ADAMTS6: variants seen among roughly 807,000 people sequenced by gnomAD.
ADAMTS6 encodes the protein ADAM metallopeptidase with thrombospondin type 1 motif 6.
A neutral mutation model predicts 144.3 loss-of-function variants in ADAMTS6; 23 were observed. The observed-to-expected ratio is 0.16, with a 90% CI of 0.11 to 0.23. ADAMTS6 has a LOEUF of 0.23. Ranked by LOEUF, ADAMTS6 falls within the 10% of genes least tolerant of loss-of-function variation. ADAMTS6 has a pLI of 1.00. For missense variants in ADAMTS6, 999 were observed against 1,379.6 expected, an observed-to-expected ratio of 0.72 and a Z score of 4.37; for synonymous variants, 444 against 457.5, an observed-to-expected ratio of 0.97 and a Z score of 0.38.
At chr5:65,399,358 T>C (rs559848349) in intron 7 of ADAMTS6, among the ~76,000 whole-genome samples, 3 of 152,210 alleles carry the variant, frequency 2.0e-5, no homozygotes, top group Admixed American at 1.3e-4. Context: ...ATTTGGAGCA[T>C]TGATATTCAC....
Position 65,151,282 on chromosome 5 carries a change from C to G in ADAMTS6, c.*554G>C, listed in dbSNP as rs891285724. On this transcript the variant is annotated 3_prime_UTR_variant, in exon 25 of 25. Coordinates refer to ENST00000381055, the MANE Select transcript of ADAMTS6 (RefSeq NM_197941.4). Reference sequence around the variant, plus strand: ...AGAAAAATAATACAAACTTTCATTACTTTTGATTTATAATTGCTCCTTAAA... The same window carrying G: ...AGAAAAATAATACAAACTTTCATTAGTTTTGATTTATAATTGCTCCTTAAA... 6.6e-6 allele frequency: 1 copy of G among 152,642 alleles called. No individual in the cohort carries two copies. The highest frequency in any genetic ancestry group is 1.5e-5 in the Non-Finnish European group (1 of 68,064). The allele number at this position is 152,642 out of a possible 1,614,324, so 9.5% of individuals were successfully genotyped here. A position where few individuals can be genotyped will look rare whatever the true frequency, so the allele number is the denominator to read the frequency against.
At chr5:65,179,820 A>C (rs1395198799) in intron 22 of ADAMTS6, among the ~76,000 whole-genome samples, 1 of 152,210 alleles carries the variant, frequency 6.6e-6, no homozygotes, top group African/African-American at 2.4e-5. Flanking sequence ...TCGTGTCCCT[A>C]ACACCATCAG....
In ADAMTS6 at chr5:65,203,491, T is replaced by A. The variant is rs142550370; in HGVS notation, c.2576-6340A>T. ...TTATTTAAATTTTAGAGGAATATTGTTGAGAGTACAAAGGCCTTGAGCTTC... is the reference window on the plus strand; with the variant it reads ...TTATTTAAATTTTAGAGGAATATTGATGAGAGTACAAAGGCCTTGAGCTTC... On this transcript the variant is annotated intron_variant, in intron 20 of 24. Transcript: ENST00000381055. Among the ~76,000 whole-genome samples the A allele has an allele frequency of 5.6e-4, 85 of 152,324 alleles. No individual in the cohort carries two copies. In the East Asian group the frequency reaches 0.015, roughly 27 times the overall value.
chr5:65,400,886 C>G (rs1351471576), intron 7 of ADAMTS6, among the ~76,000 whole-genome samples: 2 of 152,208 alleles, frequency 1.3e-5, no homozygotes, highest in East Asian at 1.9e-4. Context: ...TGATCTCTAG[C>G]ACTTTCTTTT....
intron 7 of ADAMTS6, among the ~76,000 whole-genome samples, chr5:65,403,510 C>G (rs1754122629): frequency 6.6e-6 from 1 of 152,132 alleles, no homozygotes; most frequent in Admixed American, 6.6e-5. Context: ...TTTCCCCTAT[C>G]TTGTAAGAAG....
At chr5:65,340,302 T>A (rs2131591) in intron 7 of ADAMTS6, among the ~76,000 whole-genome samples, 43,608 of 151,778 alleles carry the variant, frequency 0.29, 9,406 homozygotes, top group African/African-American at 0.61. Context: ...TTTAAAAAAA[T>A]ATATTATTTC....
chr5:65,411,616 T>C (rs760509696), intron 7 of ADAMTS6, among the ~76,000 whole-genome samples: 4 of 152,162 alleles, frequency 2.6e-5, no homozygotes, highest in Non-Finnish European at 5.9e-5. Flanking sequence ...GGGAGTTTGA[T>C]AGGTTGTCAC....
intron 15 of ADAMTS6, among the ~76,000 whole-genome samples, chr5:65,238,304 A>C (rs1758861961): frequency 6.6e-6 from 1 of 152,178 alleles, no homozygotes; most frequent in South Asian, 2.1e-4. Context: ...AATTCTGAGC[A>C]TCTGTAAAAC....
chr5:65,157,856 C>A lies in ADAMTS6; in HGVS notation c.3245-5911G>T, dbSNP rs545628004. ...TGAAATGGCAACTTTTGCTTGGGAA[C>A]CTAACATTATTCATTGTAACAGAAC... On this transcript the variant is annotated intron_variant, in intron 24 of 24. Coordinates refer to ENST00000381055, the MANE Select transcript of ADAMTS6 (RefSeq NM_197941.4). 9.2e-5 allele frequency among the ~76,000 whole-genome samples: 14 copies of A among 152,258 alleles called. No homozygotes were observed. The East Asian group carries it at 2.7e-3, about 29-fold the overall frequency.
chr5:65,324,084 T>C (rs1270620971), intron 9 of ADAMTS6, among the ~76,000 whole-genome samples: 3 of 152,180 alleles, frequency 2.0e-5, no homozygotes, highest in Non-Finnish European at 2.9e-5. Context: ...TTCACTCTGA[T>C]GGTAGTTTCT....
At chr5:65,223,524 T>A (rs1757482285) in intron 18 of ADAMTS6, among the ~76,000 whole-genome samples, 1 of 152,284 alleles carries the variant, frequency 6.6e-6, no homozygotes, top group South Asian at 2.1e-4. Flanking sequence ...TCTGTTTGAC[T>A]TTTTTAGAAT....
At chr5:65,229,103 A>T (rs1757942717) in intron 15 of ADAMTS6, among the ~76,000 whole-genome samples, 1 of 152,214 alleles carries the variant, frequency 6.6e-6, no homozygotes, top group South Asian at 2.1e-4. Context: ...ACTTTGCAGG[A>T]TTGGGAGAAG....
chr5:65,286,171 C>T lies in ADAMTS6; in HGVS notation c.1512+5158G>A, dbSNP rs915658329. On this transcript the variant is annotated intron_variant, in intron 11 of 24. Coordinates refer to ENST00000381055, the MANE Select transcript of ADAMTS6 (RefSeq NM_197941.4). ...AGGTAAATAAAAGACAATTTGCATG[C>T]TTGTCATACCTTTTTGCTGTCTGAA... Among the ~76,000 whole-genome samples, 3 of 152,160 alleles carry T rather than the reference C, an allele frequency of 2.0e-5. No individual in the cohort carries two copies. The East Asian group carries it at 5.8e-4, about 29-fold the overall frequency.
Position 65,242,156 on chromosome 5 carries a change from A to G in ADAMTS6, c.1881T>C (p.Phe627=), listed in dbSNP as rs1202576443. 6.2e-7 allele frequency: 1 copy of G among 1,604,586 alleles called. No individual in the cohort carries two copies. The highest frequency in any genetic ancestry group is 1.1e-5 in the South Asian group (1 of 89,480). ...ACTTTCCTCGGAAAGGCATATTGTC[A>G]AAGTCTGCACACTGTTTCTCTCGAA... ...RDFREKQCAD[F]DNMPFRGKYY... is the part of the protein sequence containing the mutation. Residue 627 remains phenylalanine, a synonymous_variant, in exon 15 of 25, where the codon TTT becomes TTC. Transcript: ENST00000381055.
intron 10 of ADAMTS6, among the ~76,000 whole-genome samples, chr5:65,292,846 C>T (rs571172810): frequency 4.1e-5 from 6 of 147,536 alleles, no homozygotes; most frequent in African/African-American, 1.6e-4. Context: ...AGGTATCTAA[C>T]TAACTAACTA....
chr5:65,291,994 C>T (rs1025773719), intron 10 of ADAMTS6, among the ~76,000 whole-genome samples: 3 of 152,092 alleles, frequency 2.0e-5, no homozygotes, highest in Admixed American at 6.5e-5. Context: ...ATGAGGCCAA[C>T]GACCAAAGTT....
At chr5:65,204,130 C>T (rs571888574) in intron 20 of ADAMTS6, among the ~76,000 whole-genome samples, 6 of 152,206 alleles carry the variant, frequency 3.9e-5, no homozygotes, top group African/African-American at 9.6e-5. Flanking sequence ...AAATGCAATC[C>T]ACAACATGCA....
intron 20 of ADAMTS6, among the ~76,000 whole-genome samples, chr5:65,213,710 A>AATT (rs1756691463): frequency 1.3e-5 from 2 of 152,166 alleles, no homozygotes; most frequent in Non-Finnish European, 2.9e-5. Flanking sequence ...TTCTCTAAAA[A>AATT]TAACCTCTCT....
At chr5:65,241,227 CTTTTT>C (rs58991614) in intron 15 of ADAMTS6, among the ~76,000 whole-genome samples, 1 of 116,300 alleles carries the variant, frequency 8.6e-6, no homozygotes, top group Non-Finnish European at 1.7e-5. Context: ...AGTATATTTC[CTTTTT>C]TTTTTTTTTT....
Sources: allele counts gnomAD v4.1 joint callset (sites outside exome capture counted in the v4.1 genomes callset), GRCh38; gene constraint gnomAD v4.1.1; transcripts MANE v1.5; gene names NCBI Gene and HGNC (gene_info 2026-07-23, HGNC 2026-07-21).